The following VPS13B variants were observed in gnomAD, a reference collection of about 807,000 sequenced individuals.
VPS13B encodes the protein vacuolar protein sorting 13 homolog B.
Under a neutral mutation model 426.4 loss-of-function variants are expected in VPS13B, and 285 were observed. That is an observed-to-expected ratio of 0.67 (90% CI 0.61 to 0.74). The LOEUF is 0.74. Among genes scored for constraint, VPS13B ranks in the 30% least tolerant of loss-of-function variants. VPS13B has a pLI of 0.00. For missense variants in VPS13B, 4,537 were observed against 4,782.6 expected (o/e 0.95, Z 1.51); for synonymous variants, 1,676 against 1,676.4 (o/e 1.00, Z 0.01).
chr8:99,054,755 A>G (rs1274709191), intron 3 of VPS13B, among the ~76,000 whole-genome samples: 2 of 152,190 alleles, frequency 1.3e-5, no homozygotes, highest in East Asian at 1.9e-4. Context: ...GATTAATTTT[A>G]TATATGATAT....
At chr8:99,728,728 G>T (rs1047557119) in intron 39 of VPS13B, among the ~76,000 whole-genome samples, 1 of 152,124 alleles carries the variant, frequency 6.6e-6, no homozygotes, top group South Asian at 2.1e-4. Context: ...GTAGTATGTC[G>T]ACTACAGTTC....
intron 20 of VPS13B, among the ~76,000 whole-genome samples, chr8:99,385,239 C>T (rs1272544035): frequency 6.6e-6 from 1 of 152,118 alleles, no homozygotes; most frequent in Non-Finnish European, 1.5e-5. Flanking sequence ...TGTATAGTCA[C>T]ACAGCTTTAA....
chr8:99,480,305 G>A (rs948208595), intron 24 of VPS13B, among the ~76,000 whole-genome samples: 5 of 152,078 alleles, frequency 3.3e-5, no homozygotes, highest in African/African-American at 4.8e-5. Context: ...CAGTGTACTC[G>A]TTGCCATTCA....
intron 43 of VPS13B, among the ~76,000 whole-genome samples, chr8:99,798,776 T>G (rs1812989844): frequency 6.6e-6 from 1 of 152,216 alleles, no homozygotes; most frequent in Admixed American, 6.6e-5. Context: ...ACTCAAAGCC[T>G]TTTCACAAGC....
At position 99,784,164 on chromosome 8, in the gene VPS13B, C is replaced by T. The variant is rs1329793548; in HGVS notation, c.7780-151C>T. The stretch of plus-strand genomic sequence containing the variant: ...AGGTATTTTTTATGTGTGTGCTTAT[C>T]CTGGCAGTATAGAATACTTTGTATA... On this transcript the variant is annotated intron_variant, in intron 42 of 61. Coordinates refer to ENST00000357162, the MANE Select transcript of VPS13B (RefSeq NM_152564.5). The T allele has an allele frequency of 6.5e-6, 6 of 928,810 alleles. No homozygotes were observed. The South Asian group carries it at 8.3e-5, about 13-fold the overall frequency. The allele number at this position is 928,810 out of a possible 1,614,324, so 57.5% of individuals were successfully genotyped here.
chr8:99,518,252 C>T lies in VPS13B; in HGVS notation c.4634-2647C>T, dbSNP rs187632622. Among the ~76,000 whole-genome samples, 21 of 152,198 alleles carry T rather than the reference C, an allele frequency of 1.4e-4. 2 individuals carry two copies. Among genetic ancestry groups the T allele is most frequent in the African/African-American group, 5.1e-4 (21 of 41,532 alleles). ...ACAGTTAGCAAATATACTAATTGCA[C>T]CTTTGTGGTACGGTTTATTCTCCAG... On this transcript the variant is annotated intron_variant, in intron 29 of 61. Coordinates refer to ENST00000357162, the MANE Select transcript of VPS13B (RefSeq NM_152564.5).
At chr8:99,861,185 G>C (rs1427799312) in intron 57 of VPS13B, among the ~76,000 whole-genome samples, 7 of 152,166 alleles carry the variant, frequency 4.6e-5, no homozygotes, top group Non-Finnish European at 1.0e-4. Flanking sequence ...TATAGTGAAG[G>C]ATAGTTTCAT....
intron 33 of VPS13B, among the ~76,000 whole-genome samples, chr8:99,612,631 T>G (rs1460993299): frequency 6.6e-6 from 1 of 152,204 alleles, no homozygotes; most frequent in African/African-American, 2.4e-5. Context: ...AGCCTCCAAT[T>G]TATCTTTCTT....
Position 99,868,339 on chromosome 8 carries a change from T to G in VPS13B, c.11266T>G (p.Ser3756Ala), listed in dbSNP as rs138012121. 16 of 1,614,154 alleles carry G rather than the reference T, an allele frequency of 9.9e-6. No homozygotes were observed. The highest frequency in any genetic ancestry group is 1.4e-5 in the Non-Finnish European group (16 of 1,180,042). Reference sequence around the variant, plus strand: ...GCCGATGCAGAACTTCCAGAAAACATCTGAGGCACAGGCTTCAGCAGGACA... The same window carrying G: ...GCCGATGCAGAACTTCCAGAAAACAGCTGAGGCACAGGCTTCAGCAGGACA... Reference protein sequence around the residue: ...DQPMQNFQKTSEAQASAGHKA... With the variant: ...DQPMQNFQKTAEAQASAGHKA... Residue 3756 changes from serine to alanine, a missense_variant, in exon 59 of 62, where the codon TCT becomes GCT. By Grantham distance (99) the Ser-to-Ala change is moderately conservative. Transcript: ENST00000357162.
At chr8:99,676,164 G>A (rs1830925091) in intron 35 of VPS13B, among the ~76,000 whole-genome samples, 1 of 152,044 alleles carries the variant, frequency 6.6e-6, no homozygotes, top group Admixed American at 6.6e-5. Context: ...CTAAGTCCAT[G>A]ATTGCCACAG....
chr8:99,608,170 A>G (rs1263335397), intron 33 of VPS13B, among the ~76,000 whole-genome samples: 1 of 141,768 alleles, frequency 7.1e-6, no homozygotes, highest in East Asian at 2.1e-4. Context: ...TTTTTTTGAG[A>G]CAGGGTTTCA....
At chr8:99,065,207 A>G (rs982467508) in intron 3 of VPS13B, among the ~76,000 whole-genome samples, 3 of 152,084 alleles carry the variant, frequency 2.0e-5, no homozygotes, top group African/African-American at 7.2e-5. Context: ...CAACACAACA[A>G]AAAAAGAGAA....
intron 33 of VPS13B, among the ~76,000 whole-genome samples, chr8:99,611,463 C>A (rs1827842013): frequency 6.6e-6 from 1 of 151,940 alleles, no homozygotes; most frequent in African/African-American, 2.4e-5. Context: ...CCAAGTACTA[C>A]CTGTTTTTTT....
At chr8:99,293,067 AG>A (rs1819826885) in intron 19 of VPS13B, among the ~76,000 whole-genome samples, 1 of 152,074 alleles carries the variant, frequency 6.6e-6, no homozygotes, top group Non-Finnish European at 1.5e-5. Flanking sequence ...GAGCCAAAAA[AG>A]AGCCCGCATC....
chr8:99,708,994 A>G (rs1412279020), intron 36 of VPS13B, among the ~76,000 whole-genome samples: 1 of 152,102 alleles, frequency 6.6e-6, no homozygotes, highest in Non-Finnish European at 1.5e-5. Flanking sequence ...TAGAGCACCC[A>G]AATGCCATTT....
chr8:99,024,000 T>C (rs1240009658), intron 2 of VPS13B, among the ~76,000 whole-genome samples: 1 of 152,246 alleles, frequency 6.6e-6, no homozygotes, highest in Non-Finnish European at 1.5e-5. Context: ...ATAATGGCTG[T>C]ACTAATATAT....
chr8:99,268,636 C>A (rs555364740), intron 17 of VPS13B, among the ~76,000 whole-genome samples: 7 of 152,318 alleles, frequency 4.6e-5, no homozygotes, highest in African/African-American at 1.7e-4. Context: ...GTCTGTACCC[C>A]CATTGTATCT....
intron 23 of VPS13B, among the ~76,000 whole-genome samples, chr8:99,459,955 C>T (rs928343355): frequency 7.2e-5 from 11 of 151,988 alleles, no homozygotes; most frequent in African/African-American, 2.4e-4. Context: ...AATAGTATAC[C>T]TTTTTCCAGC....
chr8:99,521,074 C>A, intron 30 of VPS13B, 64 bp downstream of exon 30: 3 of 1,294,204 alleles, frequency 2.3e-6, no homozygotes, highest in South Asian at 1.2e-5. Context: ...ATATAGTGGT[C>A]AATAACTTAG....
Sources: gnomAD v4.1 joint callset for allele counts (sites outside exome capture counted in the v4.1 genomes callset) on GRCh38, gnomAD v4.1.1 for gene constraint, MANE v1.5 for transcripts, NCBI Gene and HGNC (gene_info 2026-07-23, HGNC 2026-07-21) for gene names.